Variants in LMLN observed in about 807,000 individuals in gnomAD.
LMLN encodes leishmanolysin like peptidase.
LMLN carries 70 observed loss-of-function variants against 92.3 expected under a neutral mutation model. The observed-to-expected ratio is 0.76, with a 90% CI of 0.63 to 0.92. The LOEUF (loss-of-function observed/expected upper bound fraction) is 0.92, where lower values mean the gene tolerates loss of function less well. Ranked by LOEUF, LMLN falls within the 40% of genes least tolerant of loss-of-function variation. LMLN has a pLI of 0.00. For synonymous variants in LMLN, 308 were observed against 296.2 expected (o/e 1.04, Z -0.41); for missense variants, 691 against 814.6 (o/e 0.85, Z 1.85).
intron 9 of LMLN, among the ~76,000 whole-genome samples, chr3:197,995,178 T>C (rs1721983853): frequency 6.6e-6 from 1 of 152,232 alleles, no homozygotes; most frequent in Non-Finnish European, 1.5e-5. Flanking sequence ...GAATATCTTT[T>C]CTTACTGATG....
At chr3:197,968,205 G>C (rs980161831) in intron 1 of LMLN, among the ~76,000 whole-genome samples, 1 of 152,168 alleles carries the variant, frequency 6.6e-6, no homozygotes, top group African/African-American at 2.4e-5. Context: ...GGTGGCTTAT[G>C]CCTGTAATCC....
intron 11 of LMLN, among the ~76,000 whole-genome samples, chr3:198,001,518 C>A (rs971932173): frequency 3.9e-5 from 6 of 152,192 alleles, no homozygotes; most frequent in African/African-American, 1.4e-4. Flanking sequence ...CTGAGCACTG[C>A]TAAAATAATT....
intron 14 of LMLN, among the ~76,000 whole-genome samples, chr3:198,033,720 C>T (rs575958867): frequency 7.9e-4 from 120 of 152,276 alleles, no homozygotes; most frequent in Non-Finnish European, 1.5e-3. Context: ...TTTTTATATC[C>T]TACTCCTCTT....
intron 9 of LMLN, among the ~76,000 whole-genome samples, chr3:197,995,228 A>G (rs1369720821): frequency 6.6e-6 from 1 of 152,226 alleles, no homozygotes; most frequent in Non-Finnish European, 1.5e-5. Flanking sequence ...CTTCATTGTA[A>G]GAATACATCA....
intron 1 of LMLN, among the ~76,000 whole-genome samples, chr3:197,971,667 C>T (rs924167896): frequency 2.6e-5 from 4 of 152,136 alleles, no homozygotes; most frequent in African/African-American, 9.7e-5. Context: ...TCACTGAAAC[C>T]TCCGCCTCCC....
chr3:198,019,291 G>A lies in LMLN; in HGVS notation c.1271G>A (p.Ser424Asn). ...AGCCCTTACTGTGACACGCTCAGAAGTAACCCACTGCAGCTAACTTGCAGA... is the reference window on the plus strand; with the variant it reads ...AGCCCTTACTGTGACACGCTCAGAAATAACCCACTGCAGCTAACTTGCAGA... Residue 424 changes from serine to asparagine, a missense_variant, in exon 12 of 16, where the codon AGT becomes AAT. Ser to Asn is a conservative substitution (Grantham distance 46). Around this residue, in one of 4 missense-constraint regions of LMLN, gnomAD observed 352 missense variants for 443.6 expected, o/e 0.79. Transcript: ENST00000330198. The surrounding 1 kb of genome is among the most constrained non-coding windows in gnomAD (Gnocchi z 5.5). 1.2e-6 allele frequency: 2 copies of A among 1,614,138 alleles called. No homozygotes were observed. Among genetic ancestry groups the A allele is most frequent in the East Asian group, 2.2e-5 (1 of 44,884 alleles).
chr3:197,964,529 G>A (rs934882554), intron 1 of LMLN, among the ~76,000 whole-genome samples: 2 of 151,482 alleles, frequency 1.3e-5, no homozygotes, highest in Non-Finnish European at 2.9e-5. Flanking sequence ...CTCCTGAGTA[G>A]TTGGGACTAC....
At chr3:198,035,465 C>T (rs1306293295) in intron 14 of LMLN, among the ~76,000 whole-genome samples, 1 of 145,870 alleles carries the variant, frequency 6.9e-6, no homozygotes, top group African/African-American at 2.6e-5. Context: ...CAGGATCAAG[C>T]GATTCTCCTG....
intron 1 of LMLN, among the ~76,000 whole-genome samples, chr3:197,967,987 G>A (rs1014188408): frequency 6.6e-6 from 1 of 152,158 alleles, no homozygotes; most frequent in Non-Finnish European, 1.5e-5. Context: ...GTCTTCCCTT[G>A]TTCCCTAAAA....
At position 198,042,775 on chromosome 3, in the gene LMLN, C is replaced by G. The variant is rs1410310362; in HGVS notation, c.*4108C>G. 6.6e-6 allele frequency: 1 copy of G among 152,176 alleles called. No individual in the cohort carries two copies. The highest frequency in any genetic ancestry group is 6.5e-5 in the Admixed American group (1 of 15,276). 9.4% of individuals were successfully genotyped at this position (152,176 alleles called of 1,614,324 possible). ...TCAAAAATATCAAGTGAATTTGTCT[C>G]AGGTTTTCAGAAACAAAATTTACAG... On this transcript the variant is annotated 3_prime_UTR_variant, in exon 16 of 16. Coordinates refer to ENST00000330198, the Ensembl canonical transcript of LMLN. This position sits in a 1 kb window ranked among gnomAD's most constrained non-coding sequence, Gnocchi z 4.2.
chr3:198,036,108 T>C, intron 15 of LMLN, 65 bp downstream of exon 16: 1 of 1,421,326 alleles, frequency 7.0e-7, no homozygotes, highest in Non-Finnish European at 9.9e-7. Context: ...TCTTATAAAA[T>C]GTTGGCATTT....
intron 1 of LMLN, among the ~76,000 whole-genome samples, chr3:197,963,500 A>G (rs1188440498): frequency 6.6e-6 from 1 of 152,120 alleles, no homozygotes; most frequent in Admixed American, 6.6e-5. Context: ...CAGATCTTGC[A>G]TGTTTTTTGT....
chr3:198,033,454 T>G (rs1303575097), intron 14 of LMLN, among the ~76,000 whole-genome samples: 1 of 152,052 alleles, frequency 6.6e-6, no homozygotes, highest in East Asian at 1.9e-4. Flanking sequence ...TCTCACTCTG[T>G]CACCCAGGCT....
intron 11 of LMLN, among the ~76,000 whole-genome samples, chr3:198,018,388 C>T (rs562422632): frequency 7.2e-5 from 11 of 152,304 alleles, no homozygotes; most frequent in African/African-American, 2.6e-4. Context: ...GAGTGCTTTG[C>T]GGTTGAAGCT....
chr3:197,983,487 G>A (rs1455057010), intron 6 of LMLN, among the ~76,000 whole-genome samples: 1 of 152,182 alleles, frequency 6.6e-6, no homozygotes, highest in Non-Finnish European at 1.5e-5. Flanking sequence ...TGGAGCAGGA[G>A]AAAGGGAATA....
intron 11 of LMLN, among the ~76,000 whole-genome samples, chr3:198,013,289 C>T (rs1304710471): frequency 4.6e-5 from 4 of 87,524 alleles, no homozygotes; most frequent in Non-Finnish European, 8.0e-5. Flanking sequence ...CCCTTCAGAG[C>T]CCCCTAACTA....
intron 10 of LMLN, among the ~76,000 whole-genome samples, chr3:197,998,053 C>T (rs1201629657): frequency 1.3e-5 from 2 of 152,166 alleles, no homozygotes; most frequent in Non-Finnish European, 2.9e-5. Context: ...GAATACACAG[C>T]GTGCCAGCGC....
chr3:198,037,365 G>A (rs577915489), intron 15 of LMLN, among the ~76,000 whole-genome samples: 126 of 152,326 alleles, frequency 8.3e-4, no homozygotes, highest in African/African-American at 2.9e-3. Context: ...GTTTTCTGCA[G>A]TTACAATCAT....
chr3:197,985,861 T>C (rs1427962214), exon 8 of LMLN: 9 of 1,612,428 alleles, frequency 5.6e-6, no homozygotes, highest in Non-Finnish European at 7.6e-6. Flanking sequence ...CTTCAAGATT[T>C]GCAGATGGCC....
Sources: gnomAD v4.1 joint callset for allele counts (sites outside exome capture counted in the v4.1 genomes callset) on GRCh38, gnomAD v4.1.1 for gene constraint, gnomAD v4.1.1 regional missense constraint, Gnocchi (gnomAD v3.1) non-coding constraint, MANE v1.5 for transcripts, NCBI Gene and HGNC (gene_info 2026-07-23, HGNC 2026-07-21) for gene names.